Variants in SPICE1 observed in about 807,000 individuals in gnomAD.
SPICE1 encodes spindle and centriole associated protein 1, also known as spindle and centriole-associated protein 1.
Under a neutral mutation model 102.7 loss-of-function variants are expected in SPICE1, and 75 were observed. The observed-to-expected ratio is 0.73, with a 90% CI of 0.61 to 0.88. The LOEUF is 0.88. Ranked by LOEUF, SPICE1 falls within the 40% of genes least tolerant of loss-of-function variation. SPICE1 has a pLI of 0.00. For synonymous variants in SPICE1, 308 were observed against 350.3 expected (o/e 0.88, Z 1.35); for missense variants, 979 against 1,020.1 (o/e 0.96, Z 0.55).
At position 113,493,283 on chromosome 3, in the gene SPICE1, A is replaced by C; in HGVS notation, c.415T>G (p.Ser139Ala). The C allele has an allele frequency of 6.2e-7, 1 of 1,613,962 alleles. No homozygotes were observed. The highest frequency in any genetic ancestry group is 8.5e-7 in the Non-Finnish European group (1 of 1,179,914). The change falls in exon 6 of 18, where the codon TCC (serine) becomes GCC (alanine). Residue 139 changes from serine to alanine, a missense_variant. Physicochemically the swap from Ser to Ala is moderately conservative, Grantham distance 99. Transcript: ENST00000295872. ...TTTACCACAATGGGACCCTGAGAGGAATCAGGAGCCACTGTTACATTTGGA... is the reference window on the plus strand; with the variant it reads ...TTTACCACAATGGGACCCTGAGAGGCATCAGGAGCCACTGTTACATTTGGA... Reference protein sequence around the residue: ...GFPNVTVAPDSSQGPIVVNQD... With the variant: ...GFPNVTVAPDASQGPIVVNQD...
chr3:113,479,021 A>T (rs1415586372), intron 7 of SPICE1, among the ~76,000 whole-genome samples: 2 of 151,974 alleles, frequency 1.3e-5, no homozygotes, highest in Non-Finnish European at 1.5e-5. Flanking sequence ...CATGTGCACA[A>T]TGTGCAAGTT....
At chr3:113,463,302 C>A (rs1455192880) in intron 11 of SPICE1, among the ~76,000 whole-genome samples, 1 of 152,158 alleles carries the variant, frequency 6.6e-6, no homozygotes, top group Non-Finnish European at 1.5e-5. Context: ...TCCATGAGGG[C>A]AAAGTTTTCT....
intron 7 of SPICE1, among the ~76,000 whole-genome samples, chr3:113,475,916 T>C (rs988271005): frequency 1.3e-5 from 2 of 152,122 alleles, no homozygotes; most frequent in African/African-American, 4.8e-5. Context: ...TTCAACATAG[T>C]GTTGGAAGTT....
At chr3:113,500,381 T>C (rs1936986092) in intron 3 of SPICE1, among the ~76,000 whole-genome samples, 1 of 152,072 alleles carries the variant, frequency 6.6e-6, no homozygotes, top group Admixed American at 6.5e-5. Context: ...TACACAAGGA[T>C]TCTGACTCAC....
chr3:113,457,835 T>C lies in SPICE1; in HGVS notation c.1436-478A>G, dbSNP rs1408919322. On this transcript the variant is annotated intron_variant, in intron 12 of 17. Coordinates refer to ENST00000295872, the MANE Select transcript of SPICE1 (RefSeq NM_144718.4). ...CATCACACCCAGCTAATTTTTTGTA[T>C]TCGTTGTAAAGACGGGGTTCACCAT... Among the ~76,000 whole-genome samples, 9 of 152,112 alleles carry C rather than the reference T, an allele frequency of 5.9e-5. 1 individual carries two copies. Among genetic ancestry groups the C allele is most frequent in the Non-Finnish European group, 1.3e-4 (9 of 68,016 alleles).
chr3:113,446,309 C>T lies in SPICE1; in HGVS notation c.2514+280G>A, dbSNP rs187360798. Among the ~76,000 whole-genome samples the T allele has an allele frequency of 1.4e-3, 212 of 151,636 alleles. 1 individual carries two copies. The highest frequency in any genetic ancestry group is 7.2e-3 in the East Asian group (37 of 5,106). On this transcript the variant is annotated intron_variant, in intron 17 of 17. Coordinates refer to ENST00000295872, the MANE Select transcript of SPICE1 (RefSeq NM_144718.4). ...TTCAAGGCACACCTGTGTGTCCTGC[C>T]GTAAATATATGGGAAGCTCTACCTG... is the stretch of plus-strand genomic sequence containing the variant.
intron 4 of SPICE1, among the ~76,000 whole-genome samples, chr3:113,498,408 A>C (rs912337349): frequency 6.6e-6 from 1 of 152,210 alleles, no homozygotes; most frequent in African/African-American, 2.4e-5. Flanking sequence ...AAATAAGCCC[A>C]GAGTCTGATG....
intron 15 of SPICE1, among the ~76,000 whole-genome samples, 169 bp from the exon 16 acceptor site, chr3:113,448,309 T>C (rs1935566050): frequency 6.6e-6 from 1 of 151,728 alleles, no homozygotes; most frequent in Non-Finnish European, 1.5e-5. Context: ...TTTACTGAAC[T>C]GTGGGATAAG....
At chr3:113,480,693 A>G (rs1196660308) in intron 7 of SPICE1, among the ~76,000 whole-genome samples, 1 of 152,046 alleles carries the variant, frequency 6.6e-6, no homozygotes, top group Admixed American at 6.6e-5. Context: ...GAAAACAAGA[A>G]TTGATTGGCA....
chr3:113,494,116 T>C lies in SPICE1; in HGVS notation c.318A>G (p.Gln106=). ...GATGATCAGATTTCTCCAACACATCTTGCATCTGGTATTGATCAGAAAGAA... is the reference window on the plus strand; with the variant it reads ...GATGATCAGATTTCTCCAACACATCCTGCATCTGGTATTGATCAGAAAGAA... The part of the protein sequence containing the change: ...KEILSDQYQM[Q]DVLEKSDHLI... The change falls in exon 5 of 18, where the codon CAA becomes CAG. Residue 106 remains glutamine, a synonymous_variant. Transcript: ENST00000295872. 1 of 1,611,662 alleles carries C rather than the reference T, an allele frequency of 6.2e-7. No homozygotes were observed. The highest frequency in any genetic ancestry group is 8.5e-7 in the Non-Finnish European group (1 of 1,178,896).
intron 7 of SPICE1, among the ~76,000 whole-genome samples, chr3:113,475,394 A>C (rs1261960742): frequency 1.3e-5 from 2 of 152,030 alleles, no homozygotes; most frequent in Admixed American, 6.5e-5. Flanking sequence ...AAACTATTCC[A>C]ATCAATAGAA....
intron 7 of SPICE1, among the ~76,000 whole-genome samples, chr3:113,482,034 T>C (rs576192077): frequency 8.5e-5 from 13 of 152,342 alleles, no homozygotes; most frequent in Non-Finnish European, 1.6e-4. Context: ...CCACCAACAG[T>C]GTAAAAGCAT....
At chr3:113,513,241 TA>T (rs1241893243) in intron 1 of SPICE1, among the ~76,000 whole-genome samples, 5 of 150,546 alleles carry the variant, frequency 3.3e-5, no homozygotes, top group African/African-American at 4.9e-5. Context: ...ACCCTGTCTC[TA>T]AAAAAAAAAT....
At chr3:113,485,431 T>C (rs1004160911) in intron 7 of SPICE1, among the ~76,000 whole-genome samples, 1 of 152,086 alleles carries the variant, frequency 6.6e-6, no homozygotes, top group Non-Finnish European at 1.5e-5. Context: ...CTTGAGTAGG[T>C]GGTTTTACAC....
intron 1 of SPICE1, 160 bp downstream of exon 1, chr3:113,514,737 T>C (rs2306068): frequency 0.038 from 49,193 of 1,281,604 alleles, 1,112 homozygotes; most frequent in East Asian, 0.088. Context: ...CTGGATAGTT[T>C]GCCTCTCTCC....
At chr3:113,462,622 A>T (rs1188733834) in intron 11 of SPICE1, among the ~76,000 whole-genome samples, 1 of 152,248 alleles carries the variant, frequency 6.6e-6, no homozygotes, top group Non-Finnish European at 1.5e-5. Flanking sequence ...AAATAATTGT[A>T]GTTATTTAAG....
rs535059871 is a variant in SPICE1 at position 113,503,932 on chromosome 3, A to T, written c.100-705T>A. On this transcript the variant is annotated intron_variant, in intron 2 of 17. Transcript: ENST00000295872. ...TCAGCAACAAAGCGAGTTTCTATCT[A>T]AAAAAAAAAAAAAAAAAAAAAGAAA... is the stretch of plus-strand genomic sequence containing the variant. 5.3e-3 allele frequency among the ~76,000 whole-genome samples: 193 copies of T among 36,756 alleles called. 5 individuals are homozygous for T. In the East Asian group the frequency reaches 0.25, roughly 47 times the overall value. The allele number at this position is 36,756 out of a possible 152,430, so 24.1% of individuals were successfully genotyped here. A position where few individuals can be genotyped will look rare whatever the true frequency, so the allele number is the denominator to read the frequency against.
chr3:113,496,059 CTTTT>C (rs10557473), intron 4 of SPICE1, among the ~76,000 whole-genome samples: 12 of 82,924 alleles, frequency 1.4e-4, no homozygotes, highest in East Asian at 3.5e-4. Context: ...TTTTTTACAA[CTTTT>C]TTTTTTTTTT....
intron 4 of SPICE1, among the ~76,000 whole-genome samples, chr3:113,495,305 C>A (rs550778449): frequency 3.3e-5 from 5 of 152,194 alleles, no homozygotes; most frequent in Non-Finnish European, 5.9e-5. Flanking sequence ...AATACTCTTA[C>A]CAGAATTTCT....
Sources: allele counts gnomAD v4.1 joint callset (sites outside exome capture counted in the v4.1 genomes callset), GRCh38; gene constraint gnomAD v4.1.1; transcripts MANE v1.5; gene names NCBI Gene and HGNC (gene_info 2026-07-23, HGNC 2026-07-21).